MED1: variants seen among roughly 807,000 people sequenced by gnomAD.
The protein encoded by MED1 is mediator complex subunit 1.
MED1 carries 17 observed loss-of-function variants against 121.3 expected under a neutral mutation model. The observed-to-expected ratio is 0.14, with a 90% confidence interval of 0.10 to 0.21. The LOEUF (loss-of-function observed/expected upper bound fraction) is 0.21, where lower values mean the gene tolerates loss of function less well. Ranked by LOEUF, MED1 falls within the 10% of genes least tolerant of loss-of-function variation. The pLI is 1.00. For missense variants in MED1, 1,558 were observed against 1,919.4 expected (o/e 0.81, Z 3.52); for synonymous variants, 661 against 694.4 (o/e 0.95, Z 0.76).
chr17:39,409,231 C>T lies in MED1; in HGVS notation c.2990G>A (p.Arg997Gln), dbSNP rs1022694548. 2.5e-6 allele frequency: 4 copies of T among 1,614,060 alleles called. No homozygotes were observed. The highest frequency in any genetic ancestry group is 3.3e-5 in the Admixed American group (2 of 60,016). The change falls in exon 17 of 17, where the codon CGG becomes CAG. Residue 997 changes from arginine (R) to glutamine (Q), a missense_variant. By Grantham distance (43) the Arg-to-Gln change is conservative. Around this residue, in one of 5 missense-constraint regions of MED1, gnomAD observed 793 missense variants for 898.2 expected, o/e 0.88. Coordinates refer to ENST00000300651, the MANE Select transcript of MED1 (RefSeq NM_004774.4). ...GLDSKPGKRS[R>Q]TPSNDGKSKD... Reference sequence around the variant, plus strand: ...GCTTTTCCCATCATTAGAAGGGGTCCGACTGCGCTTCCCTGGTTTGCTGTC... The same window carrying T: ...GCTTTTCCCATCATTAGAAGGGGTCTGACTGCGCTTCCCTGGTTTGCTGTC...
In MED1 at chr17:39,423,758, C is replaced by T; in HGVS notation, c.915G>A (p.Leu305=). Residue 305 remains leucine (L), a synonymous_variant, in exon 12 of 17, where the codon TTG becomes TTA. Transcript: ENST00000300651. ...ATACTGGGATTGGCTGGGGAAATTT[C>T]AAGAAGAAACAGGCAGGAAGATCAA... ...NSVDLPACFF[L]KFPQPIPVSR... 1 of 1,613,680 alleles carries T rather than the reference C, an allele frequency of 6.2e-7. No individual in the cohort carries two copies. Among genetic ancestry groups the T allele is most frequent in the East Asian group, 2.2e-5 (1 of 44,858 alleles).
chr17:39,432,768 A>AC (rs2144753910), intron 7 of MED1, among the ~76,000 whole-genome samples: 1 of 149,624 alleles, frequency 6.7e-6, no homozygotes, highest in East Asian at 2.0e-4. Flanking sequence ...AAAAACAAAA[A>AC]CCAAAAAAAA....
Position 39,422,181 on chromosome 17 carries a change from T to C in MED1, c.1095+1146A>G, listed in dbSNP as rs370589595. 6.5e-4 allele frequency among the ~76,000 whole-genome samples: 99 copies of C among 151,938 alleles called. 3 individuals are homozygous for C. The East Asian group carries it at 0.012, about 18-fold the overall frequency. ...AAATTTCTTTTTCTTTTTTATTTTT[T>C]TGAGACGGAGTCTTGCTCTGTTGCC... On this transcript the variant is annotated intron_variant, in intron 13 of 16. Coordinates refer to ENST00000300651, the MANE Select transcript of MED1 (RefSeq NM_004774.4).
chr17:39,410,664 T>C lies in MED1; in HGVS notation c.1557A>G (p.Gln519=), dbSNP rs2048347703. The change falls in exon 17 of 17, where the codon CAA becomes CAG. Residue 519 remains glutamine, a synonymous_variant. Transcript: ENST00000300651. ...RAIRRKAETI[Q]ADTPALSLIA... ...TGAGGGACAGTGCTGGGGTGTCGGC[T>C]TGAATGGTTTCAGCTTTCCTCCGAA... 1 of 1,614,160 alleles carries C rather than the reference T, an allele frequency of 6.2e-7. No individual in the cohort carries two copies. The highest frequency in any genetic ancestry group is 8.5e-7 in the Non-Finnish European group (1 of 1,180,006).
intron 3 of MED1, among the ~76,000 whole-genome samples, chr17:39,442,663 T>C (rs547157112): frequency 3.7e-4 from 56 of 150,530 alleles, no homozygotes; most frequent in African/African-American, 1.2e-3. Context: ...TCCCAGAACT[T>C]TGGGAGGCCA....
chr17:39,414,055 C>T (rs981450859), intron 16 of MED1, among the ~76,000 whole-genome samples: 7 of 151,412 alleles, frequency 4.6e-5, no homozygotes, highest in Non-Finnish European at 8.8e-5. Context: ...GGTGAAACCC[C>T]GTCTCTACTA....
intron 2 of MED1, among the ~76,000 whole-genome samples, chr17:39,444,808 G>A (rs1218074779): frequency 5.3e-5 from 8 of 152,056 alleles, no homozygotes; most frequent in African/African-American, 1.9e-4. Flanking sequence ...TGCAGAGGTT[G>A]CAGTGAGCCA....
intron 3 of MED1, among the ~76,000 whole-genome samples, chr17:39,441,886 T>C (rs2048678460): frequency 6.6e-6 from 1 of 151,752 alleles, no homozygotes; most frequent in African/African-American, 2.4e-5. Flanking sequence ...GCAGATCACC[T>C]GAGGTCAGGA....
intron 14 of MED1, among the ~76,000 whole-genome samples, chr17:39,418,212 C>T (rs1406806874): frequency 6.6e-6 from 1 of 150,978 alleles, no homozygotes; most frequent in Non-Finnish European, 1.5e-5. Context: ...ATACTCAGAA[C>T]TAAACCTGGG....
intron 14 of MED1, among the ~76,000 whole-genome samples, chr17:39,416,258 G>A (rs2048408332): frequency 6.6e-6 from 1 of 152,146 alleles, no homozygotes; most frequent in Non-Finnish European, 1.5e-5. Flanking sequence ...AAATAAAAGT[G>A]GCCGAGTGTC....
chr17:39,408,605 C>T lies in MED1; in HGVS notation c.3616G>A (p.Ala1206Thr). The change falls in exon 17 of 17, where the codon GCC becomes ACC. Residue 1206 changes from alanine to threonine, a missense_variant. This residue lies in a region of MED1 where 793 missense variants were observed against 898.2 expected (regional missense o/e 0.88). Transcript: ENST00000300651. The surrounding 1 kb of genome is among the most constrained non-coding windows in gnomAD (Gnocchi z 4.7). ...CCAGGAACAGGCTTCATTGGAGAGG[C>T]AAGCTTGTCAGAGCCTCCAGGTGGC... Reference protein sequence around the residue: ...SRPPGGSDKLASPMKPVPGTP... With the variant: ...SRPPGGSDKLTSPMKPVPGTP... 1 of 1,614,138 alleles carries T rather than the reference C, an allele frequency of 6.2e-7. No homozygotes were observed. The highest frequency in any genetic ancestry group is 8.5e-7 in the Non-Finnish European group (1 of 1,180,030).
In MED1 at chr17:39,412,012, A is replaced by G. The variant is rs1258146126; in HGVS notation, c.1500-1291T>C. On this transcript the variant is annotated intron_variant, in intron 16 of 16. Transcript: ENST00000300651. ...ACAGTACAAGACTCCATCTCAAAAA[A>G]AAAAAAAAGAAAAGAAAAATCTCTT... Among the ~76,000 whole-genome samples the G allele has an allele frequency of 4.6e-5, 7 of 151,856 alleles. No individual in the cohort carries two copies. The East Asian group carries it at 1.4e-3, about 29-fold the overall frequency.
At position 39,407,809 on chromosome 17, in the gene MED1, A is replaced by G. The variant is rs138515311; in HGVS notation, c.4412T>C (p.Ile1471Thr). 6.2e-6 allele frequency: 10 copies of G among 1,614,120 alleles called. No homozygotes were observed. The highest frequency in any genetic ancestry group is 2.2e-5 in the East Asian group (1 of 44,886). ...ACTATTCTGATAAGATTTCTCTGCT[A>G]TGGAGGAGCCTGACTCACTTTCACT... Reference protein sequence around the residue: ...LDSESESGSSIAEKSYQNSPS... With the variant: ...LDSESESGSSTAEKSYQNSPS... Residue 1471 changes from isoleucine to threonine, a missense_variant, in exon 17 of 17, where the codon ATA (isoleucine) becomes ACA (threonine). Physicochemically the swap from Ile to Thr is moderately conservative, Grantham distance 89. Coordinates refer to ENST00000300651, the MANE Select transcript of MED1 (RefSeq NM_004774.4).
Position 39,410,203 on chromosome 17 carries a change from G to A in MED1, c.2018C>T (p.Ser673Phe). The A allele has an allele frequency of 6.2e-7, 1 of 1,614,046 alleles. No homozygotes were observed. ...GCATATTTCCATGCGGGGTGAGCCG[G>A]AAGAGGAGTTCTGCCTTTCTAAAGG... ...SSPLERQNSSSGSPRMEICSG... is the reference protein window; with the variant it reads ...SSPLERQNSSFGSPRMEICSG... The change falls in exon 17 of 17, where the codon TCC (serine) becomes TTC (phenylalanine). Residue 673 changes from serine to phenylalanine, a missense_variant. Ser to Phe is a radical substitution (Grantham distance 155, BLOSUM62 -2). Around this residue, in one of 5 missense-constraint regions of MED1, gnomAD observed 793 missense variants for 898.2 expected, o/e 0.88. Transcript: ENST00000300651.
chr17:39,406,046 A>C lies in MED1; in HGVS notation c.*1429T>G, dbSNP rs2048300691. On this transcript the variant is annotated 3_prime_UTR_variant, in exon 17 of 17. Coordinates refer to ENST00000300651, the MANE Select transcript of MED1 (RefSeq NM_004774.4). ...GTAAGGCCGCAGAATTTTTGAGAGG[A>C]CCCTCCAAATACTGAGAACTTCTGT... is the stretch of plus-strand genomic sequence containing the variant. 1 of 985,272 alleles carries C rather than the reference A, an allele frequency of 1.0e-6. No individual in the cohort carries two copies. The highest frequency in any genetic ancestry group is 1.2e-6 in the Non-Finnish European group (1 of 829,896). The allele number at this position is 985,272 out of a possible 1,614,324, so 61.0% of individuals were successfully genotyped here. A position where few individuals can be genotyped will look rare whatever the true frequency, so the allele number is the denominator to read the frequency against.
chr17:39,450,777 C>T (rs564611744), intron 1 of MED1, among the ~76,000 whole-genome samples: 208 of 152,254 alleles, frequency 1.4e-3, no homozygotes, highest in Middle Eastern at 3.4e-3. Flanking sequence ...TATTCATTTG[C>T]CCCGTCTCCC....
chr17:39,447,712 G>A, intron 2 of MED1, 86 bp downstream of exon 2: 2 of 937,450 alleles, frequency 2.1e-6, no homozygotes, highest in Middle Eastern at 2.2e-4. Context: ...TATGAAGATA[G>A]TATGAACACA....
In MED1 at chr17:39,408,297, A is replaced by G; in HGVS notation, c.3924T>C (p.Asp1308=). The G allele has an allele frequency of 6.2e-7, 1 of 1,614,144 alleles. No homozygotes were observed. Among genetic ancestry groups the G allele is most frequent in the Non-Finnish European group, 8.5e-7 (1 of 1,180,028 alleles). The part of the protein sequence containing the change: ...NKKPSLTAVI[D]KLKHGVVTSG... Reference sequence around the variant, plus strand: ...TGGTGACAACCCCATGCTTCAGTTTATCTATGACAGCTGTCAAGGACGGCT... The same window carrying G: ...TGGTGACAACCCCATGCTTCAGTTTGTCTATGACAGCTGTCAAGGACGGCT... Residue 1308 remains aspartate, a synonymous_variant, in exon 17 of 17, where the codon GAT becomes GAC. Coordinates refer to ENST00000300651, the MANE Select transcript of MED1 (RefSeq NM_004774.4). The surrounding 1 kb of genome is among the most constrained non-coding windows in gnomAD (Gnocchi z 4.7).
At chr17:39,414,927 C>G (rs921580042) in intron 16 of MED1, 99 bp downstream of exon 16, 1 of 1,067,714 alleles carries the variant, frequency 9.4e-7, no homozygotes, top group Admixed American at 1.8e-5. Flanking sequence ...CTCGGCCTCC[C>G]AAAGTGTGGG....
Sources: gnomAD v4.1 joint callset for allele counts (sites outside exome capture counted in the v4.1 genomes callset) on GRCh38, gnomAD v4.1.1 for gene constraint, gnomAD v4.1.1 regional missense constraint, Gnocchi (gnomAD v3.1) non-coding constraint, MANE v1.5 for transcripts, NCBI Gene and HGNC (gene_info 2026-07-23, HGNC 2026-07-21) for gene names.